NKAIN2: variants seen among roughly 807,000 people sequenced by gnomAD.
NKAIN2 encodes sodium/potassium transporting ATPase interacting 2.
NKAIN2 carries 14 observed loss-of-function variants against 32.6 expected under a neutral mutation model. The observed-to-expected ratio is 0.43, with a 90% CI of 0.28 to 0.67. The LOEUF (loss-of-function observed/expected upper bound fraction) is 0.67, where lower values mean the gene tolerates loss of function less well. NKAIN2 is among the 30% of genes least tolerant of loss of function. The pLI, the probability that NKAIN2 is intolerant of heterozygous loss-of-function variation, is 0.17. For synonymous variants in NKAIN2, 80 were observed against 87.2 expected (o/e 0.92, Z 0.46); for missense variants, 198 against 258.3 (o/e 0.77, Z 1.60).
chr6:124,407,233 T>A (rs565215367), intron 3 of NKAIN2, among the ~76,000 whole-genome samples: 67 of 152,276 alleles, frequency 4.4e-4, no homozygotes, highest in African/African-American at 1.6e-3. Flanking sequence ...TTAGGGTACA[T>A]GTGCACAACA....
intron 1 of NKAIN2, among the ~76,000 whole-genome samples, chr6:123,912,363 A>T (rs1562253941): frequency 6.6e-6 from 1 of 152,084 alleles, no homozygotes; most frequent in Non-Finnish European, 1.5e-5. Context: ...AATTTATGGC[A>T]CACTTTAGTC....
intron 1 of NKAIN2, among the ~76,000 whole-genome samples, chr6:123,923,171 A>T (rs1775836158): frequency 6.6e-6 from 1 of 152,192 alleles, no homozygotes; most frequent in Non-Finnish European, 1.5e-5. Context: ...CACCTAAAAC[A>T]TGTAAATAGC....
intron 1 of NKAIN2, among the ~76,000 whole-genome samples, chr6:124,073,091 A>G (rs78152574): frequency 0.055 from 8,427 of 152,302 alleles, 292 homozygotes; most frequent in Middle Eastern, 0.15. Context: ...GAAGTAGAAC[A>G]AAGATGAACT....
chr6:123,934,026 T>TA (rs11372146), intron 1 of NKAIN2, among the ~76,000 whole-genome samples: 50,361 of 151,920 alleles, frequency 0.33, 8,876 homozygotes, highest in East Asian at 0.61. Flanking sequence ...CTTTAAAAAA[T>TA]AGTCTCCAGC....
At position 123,989,682 on chromosome 6, in the gene NKAIN2, G is replaced by T. The variant is rs562713813; in HGVS notation, c.54+185428G>T. ...ATTTTAATGGTAACTCAACCCAAAAGAAATTTTTTTTACACCTAGAGTTAT... is the reference window on the plus strand; with the variant it reads ...ATTTTAATGGTAACTCAACCCAAAATAAATTTTTTTTACACCTAGAGTTAT... On this transcript the variant is annotated intron_variant, in intron 1 of 6. Coordinates refer to ENST00000368417, the MANE Select transcript of NKAIN2 (RefSeq NM_001040214.3). Among the ~76,000 whole-genome samples, 18 of 152,134 alleles carry T rather than the reference G, an allele frequency of 1.2e-4. No homozygotes were observed. In the South Asian group the frequency reaches 1.2e-3, roughly 11 times the overall value.
chr6:123,804,178 C>T lies in NKAIN2; in HGVS notation c.-23C>T. On this transcript the variant is annotated 5_prime_UTR_variant, in exon 1 of 7. Coordinates refer to ENST00000368417, the MANE Select transcript of NKAIN2 (RefSeq NM_001040214.3). ...CGGTGGCCGACGTGGGACAGTCTGG[C>T]TGTGGCAGGGGTCTCGGAAACCATG... is the stretch of plus-strand genomic sequence containing the variant. 6.2e-7 allele frequency: 1 copy of T among 1,612,066 alleles called. No individual in the cohort carries two copies. The highest frequency in any genetic ancestry group is 8.5e-7 in the Non-Finnish European group (1 of 1,178,218).
chr6:124,301,341 G>A (rs1028915704), intron 2 of NKAIN2, among the ~76,000 whole-genome samples: 19 of 152,218 alleles, frequency 1.2e-4, no homozygotes, highest in African/African-American at 3.9e-4. Flanking sequence ...TGGATGTCCA[G>A]GTAGAGGTGT....
At chr6:124,787,822 C>T (rs565518644) in intron 4 of NKAIN2, among the ~76,000 whole-genome samples, 34 of 152,160 alleles carry the variant, frequency 2.2e-4, no homozygotes, top group African/African-American at 6.7e-4. Context: ...GCTTTGCTTC[C>T]ATTATTCTAG....
At position 123,887,776 on chromosome 6, in the gene NKAIN2, G is replaced by A. The variant is rs1264815883; in HGVS notation, c.54+83522G>A. ...GTGACAAAATTAGAATTAGACTTTT[G>A]TTCTGTTGCCCTATTATCTATCATT... On this transcript the variant is annotated intron_variant, in intron 1 of 6. Transcript: ENST00000368417. Among the ~76,000 whole-genome samples, 12 of 152,196 alleles carry A rather than the reference G, an allele frequency of 7.9e-5. No homozygotes were observed. In the East Asian group the frequency reaches 2.3e-3, roughly 29 times the overall value.
At chr6:123,874,514 A>G (rs1471281074) in intron 1 of NKAIN2, among the ~76,000 whole-genome samples, 1 of 152,122 alleles carries the variant, frequency 6.6e-6, no homozygotes, top group East Asian at 1.9e-4. Context: ...CAGCCATGTG[A>G]ATTAGAGTAG....
intron 2 of NKAIN2, among the ~76,000 whole-genome samples, chr6:124,328,187 G>A (rs1583055623): frequency 6.6e-6 from 1 of 152,264 alleles, no homozygotes; most frequent in East Asian, 1.9e-4. Context: ...GCAGGTACCA[G>A]CTTTATAGAG....
At chr6:124,018,217 C>T (rs9398749) in intron 1 of NKAIN2, among the ~76,000 whole-genome samples, 2 of 151,968 alleles carry the variant, frequency 1.3e-5, no homozygotes, top group African/African-American at 4.8e-5. Context: ...AGCTGGGACA[C>T]AGGACTCAAA....
intron 1 of NKAIN2, among the ~76,000 whole-genome samples, chr6:124,156,054 C>G (rs1191421337): frequency 6.6e-6 from 1 of 151,486 alleles, no homozygotes; most frequent in East Asian, 1.9e-4. Flanking sequence ...GGTAGAGTTG[C>G]TTTTGAATAG....
At chr6:124,178,778 A>G (rs1043954980) in intron 1 of NKAIN2, among the ~76,000 whole-genome samples, 20 of 152,220 alleles carry the variant, frequency 1.3e-4, no homozygotes, top group Admixed American at 1.2e-3. Context: ...TCTAGGCTCT[A>G]TGCTTCCCAC....
At chr6:123,911,377 T>C (rs955580232) in intron 1 of NKAIN2, among the ~76,000 whole-genome samples, 36 of 151,968 alleles carry the variant, frequency 2.4e-4, no homozygotes, top group African/African-American at 8.0e-4. Flanking sequence ...GGACATCACA[T>C]GGTGAGAGAG....
chr6:124,285,938 A>G (rs1795518343), intron 2 of NKAIN2, among the ~76,000 whole-genome samples: 1 of 152,190 alleles, frequency 6.6e-6, no homozygotes, highest in African/African-American at 2.4e-5. Context: ...TTAAATGGAA[A>G]AGGATCATTG....
chr6:124,521,784 G>C (rs1327285924), intron 3 of NKAIN2, among the ~76,000 whole-genome samples: 1 of 152,064 alleles, frequency 6.6e-6, no homozygotes, highest in Non-Finnish European at 1.5e-5. Flanking sequence ...CAGTTGTAAT[G>C]AGTGAATTAT....
chr6:124,347,645 C>G (rs1381831534), intron 2 of NKAIN2, among the ~76,000 whole-genome samples: 1 of 152,214 alleles, frequency 6.6e-6, no homozygotes, highest in Non-Finnish European at 1.5e-5. Flanking sequence ...GAGGCTTCTG[C>G]ATTCTTCACG....
chr6:124,484,511 A>G (rs1222764004), intron 3 of NKAIN2, among the ~76,000 whole-genome samples: 1 of 152,222 alleles, frequency 6.6e-6, no homozygotes, highest in African/African-American at 2.4e-5. Context: ...ATATATAACT[A>G]TGTTAAACTC....
Sources: gnomAD v4.1 joint callset for allele counts (sites outside exome capture counted in the v4.1 genomes callset) on GRCh38, gnomAD v4.1.1 for gene constraint, MANE v1.5 for transcripts, NCBI Gene and HGNC (gene_info 2026-07-23, HGNC 2026-07-21) for gene names.